CADPS2: variants seen among roughly 807,000 people sequenced by gnomAD.
CADPS2 encodes the protein calcium-dependent secretion activator 2.
In CADPS2, 93 loss-of-function variants were observed where a neutral mutation model predicts 172.5. The ratio of observed to expected loss-of-function variants is 0.54; its 90% CI spans 0.46 to 0.64. The LOEUF (loss-of-function observed/expected upper bound fraction) is 0.64, where lower values mean the gene tolerates loss of function less well. Ranked by LOEUF, CADPS2 falls within the 30% of genes least tolerant of loss-of-function variation. The pLI, the probability that CADPS2 is intolerant of heterozygous loss-of-function variation, is 0.00. For missense variants in CADPS2, 1,420 were observed against 1,565.9 expected (o/e 0.91, Z 1.57); for synonymous variants, 546 against 555.2 (o/e 0.98, Z 0.23).
intron 7 of CADPS2, among the ~76,000 whole-genome samples, chr7:122,572,935 A>G (rs1037078507): frequency 2.0e-5 from 3 of 152,138 alleles, no homozygotes; most frequent in African/African-American, 7.2e-5. Context: ...GTAAATAGGT[A>G]TTTGCATCTG....
intron 1 of CADPS2, among the ~76,000 whole-genome samples, chr7:122,805,875 G>C (rs7781837): frequency 6.6e-6 from 1 of 152,214 alleles, no homozygotes; most frequent in Non-Finnish European, 1.5e-5. Context: ...AATTTGGATA[G>C]GGCAGCAAAA....
In CADPS2 at chr7:122,382,506, T is replaced by C. The variant is rs553965126; in HGVS notation, c.3313-3064A>G. Among the ~76,000 whole-genome samples, 96 of 152,252 alleles carry C rather than the reference T, an allele frequency of 6.3e-4. 2 individuals are homozygous for C. Among genetic ancestry groups the C allele is most frequent in the Non-Finnish European group, 3.4e-4 (23 of 67,994 alleles). The stretch of plus-strand genomic sequence containing the variant: ...CTTTTTAGAAATTTTCAGATAACTT[T>C]CAAAGACAAACATGAACATGCAAAA... On this transcript the variant is annotated intron_variant, in intron 24 of 29. Transcript: ENST00000449022.
At chr7:122,597,200 TATC>T in intron 6 of CADPS2, among the ~76,000 whole-genome samples, 1 of 152,204 alleles carries the variant, frequency 6.6e-6, no homozygotes, top group African/African-American at 2.4e-5. Context: ...ATATCCAAAC[TATC>T]ATCATACGTC....
chr7:122,656,930 T>G (rs2079871968), intron 3 of CADPS2, among the ~76,000 whole-genome samples: 1 of 152,250 alleles, frequency 6.6e-6, no homozygotes, highest in Non-Finnish European at 1.5e-5. Flanking sequence ...TCTAGGGTTT[T>G]TATGGTTTTA....
intron 1 of CADPS2, among the ~76,000 whole-genome samples, chr7:122,873,762 G>A (rs1820468401): frequency 6.6e-6 from 1 of 152,120 alleles, no homozygotes; most frequent in Non-Finnish European, 1.5e-5. Flanking sequence ...TTCCACAATA[G>A]TTAAACTAAT....
intron 4 of CADPS2, among the ~76,000 whole-genome samples, chr7:122,628,550 A>T (rs1346436612): frequency 6.6e-6 from 1 of 151,844 alleles, no homozygotes; most frequent in Non-Finnish European, 1.5e-5. Context: ...TATAACTGCA[A>T]GTCCATTGAA....
chr7:122,795,338 A>G (rs1796142948), intron 1 of CADPS2, among the ~76,000 whole-genome samples: 1 of 152,168 alleles, frequency 6.6e-6, no homozygotes, highest in South Asian at 2.1e-4. Context: ...ACTTCCGTGC[A>G]CATAAACTAG....
At chr7:122,367,542 T>G (rs1195741757) in intron 25 of CADPS2, among the ~76,000 whole-genome samples, 1 of 61,514 alleles carries the variant, frequency 1.6e-5, no homozygotes, top group Admixed American at 1.3e-4. Flanking sequence ...TCCCCCAGTT[T>G]TTTTTTTTTT....
chr7:122,673,651 C>T (rs751888778), intron 2 of CADPS2, among the ~76,000 whole-genome samples: 3 of 151,920 alleles, frequency 2.0e-5, no homozygotes, highest in South Asian at 2.1e-4. Flanking sequence ...CCATGAATCC[C>T]GAGCTAGACA....
intron 6 of CADPS2, among the ~76,000 whole-genome samples, chr7:122,592,011 T>A (rs576854411): frequency 1.2e-4 from 19 of 152,078 alleles, no homozygotes; most frequent in Middle Eastern, 3.4e-3. Flanking sequence ...CTAAAGAGCT[T>A]CTGCACAGCA....
At chr7:122,852,998 G>C (rs17145025) in intron 1 of CADPS2, among the ~76,000 whole-genome samples, 2,681 of 152,266 alleles carry the variant, frequency 0.018, 84 homozygotes, top group African/African-American at 0.06. Context: ...GTTAATGATA[G>C]AAAGTGCATT....
At chr7:122,353,213 A>G (rs1479193395) in intron 27 of CADPS2, among the ~76,000 whole-genome samples, 1 of 152,166 alleles carries the variant, frequency 6.6e-6, no homozygotes, top group Non-Finnish European at 1.5e-5. Flanking sequence ...GCTAGATAGG[A>G]GCAAGGTGGA....
intron 27 of CADPS2, among the ~76,000 whole-genome samples, chr7:122,347,832 C>G (rs1193311009): frequency 6.6e-6 from 1 of 152,158 alleles, no homozygotes; most frequent in Non-Finnish European, 1.5e-5. Flanking sequence ...TTGAAGGAAA[C>G]TAACTCCTAA....
At chr7:122,863,804 C>T (rs1817580889) in intron 1 of CADPS2, among the ~76,000 whole-genome samples, 1 of 152,126 alleles carries the variant, frequency 6.6e-6, no homozygotes, top group Admixed American at 6.5e-5. Flanking sequence ...CTGAGGCATG[C>T]AGATCACCTG....
intron 1 of CADPS2, among the ~76,000 whole-genome samples, chr7:122,809,735 T>C (rs1359361592): frequency 6.6e-6 from 1 of 152,206 alleles, no homozygotes; most frequent in Admixed American, 6.5e-5. Context: ...TAATGTCTCC[T>C]CCTGTCTTGT....
intron 2 of CADPS2, among the ~76,000 whole-genome samples, chr7:122,671,256 T>C (rs994953959): frequency 6.6e-6 from 1 of 152,210 alleles, no homozygotes; most frequent in Non-Finnish European, 1.5e-5. Flanking sequence ...CACCTAGCAC[T>C]AGGCTACGTA....
chr7:122,456,860 A>G (rs574042655), intron 14 of CADPS2, among the ~76,000 whole-genome samples: 1 of 152,262 alleles, frequency 6.6e-6, no homozygotes, highest in Admixed American at 6.5e-5. Context: ...ATTTTCTTAA[A>G]TTTCTCCATG....
intron 8 of CADPS2, among the ~76,000 whole-genome samples, chr7:122,538,842 G>A (rs989312306): frequency 2.6e-5 from 4 of 151,970 alleles, no homozygotes; most frequent in African/African-American, 9.7e-5. Context: ...TATTTATAAC[G>A]ATGGGAGTTG....
At chr7:122,418,732 T>C (rs888776279) in intron 17 of CADPS2, among the ~76,000 whole-genome samples, 5 of 152,202 alleles carry the variant, frequency 3.3e-5, no homozygotes, top group African/African-American at 1.2e-4. Context: ...AGTATGACTC[T>C]GAGGTTTGGA....
Sources: gnomAD v4.1 joint callset for allele counts (sites outside exome capture counted in the v4.1 genomes callset) on GRCh38, gnomAD v4.1.1 for gene constraint, MANE v1.5 for transcripts, NCBI Gene and HGNC (gene_info 2026-07-23, HGNC 2026-07-21) for gene names.